PITHD1: variants seen among roughly 807,000 people sequenced by gnomAD.
The protein encoded by PITHD1 is PITH domain-containing protein 1.
A neutral mutation model predicts 27.5 loss-of-function variants in PITHD1; 8 were observed. That is an observed-to-expected ratio of 0.29 (90% CI 0.17 to 0.52). The LOEUF (loss-of-function observed/expected upper bound fraction) is 0.52. Ranked by LOEUF, PITHD1 falls within the 20% of genes least tolerant of loss-of-function variation. The pLI is 0.96. For missense variants in PITHD1, 233 were observed against 283.9 expected, an observed-to-expected ratio of 0.82 and a Z score of 1.29; for synonymous variants, 118 against 106.8, an observed-to-expected ratio of 1.10 and a Z score of -0.64.
chr1:23,783,972 C>G (rs1343724050), intron 3 of PITHD1, among the ~76,000 whole-genome samples: 1 of 152,128 alleles, frequency 6.6e-6, no homozygotes, highest in Admixed American at 6.5e-5. Context: ...AGAATCGATT[C>G]AATTTCATCT....
rs187095114 is a variant in PITHD1, at chr1:23,783,350, T to C, written c.321-2325T>C. Among the ~76,000 whole-genome samples the C allele has an allele frequency of 1.8e-3, 262 of 149,244 alleles. 2 individuals are homozygous for C. Among genetic ancestry groups the C allele is most frequent in the African/African-American group, 5.6e-3 (226 of 40,638 alleles). On this transcript the variant is annotated intron_variant, in intron 3 of 5. Transcript: ENST00000246151. ...ATACACATATATGTGTATATATACA[T>C]ATATACGCATATATATATACACATA... is the stretch of plus-strand genomic sequence containing the variant.
chr1:23,787,475 C>T lies in PITHD1; in HGVS notation c.*99C>T. Reference sequence around the variant, plus strand: ...ATGAGGCTCCAGAGAGAGTTGGCTGCCACAGCCTCTGCCAAGCTTTGTCTT... The same window carrying T: ...ATGAGGCTCCAGAGAGAGTTGGCTGTCACAGCCTCTGCCAAGCTTTGTCTT... On this transcript the variant is annotated 3_prime_UTR_variant, in exon 6 of 6. Coordinates refer to ENST00000246151, the MANE Select transcript of PITHD1 (RefSeq NM_020362.5). 1.4e-6 allele frequency: 1 copy of T among 700,124 alleles called. No individual in the cohort carries two copies. The highest frequency in any genetic ancestry group is 2.5e-6 in the Non-Finnish European group (1 of 396,958). 43.4% of individuals were successfully genotyped at this position (700,124 alleles called of 1,614,324 possible).
In PITHD1 at chr1:23,785,731, C is replaced by T. The variant is rs943368160; in HGVS notation, c.377C>T (p.Thr126Ile). The change falls in exon 4 of 6, where the codon ACC becomes ATC. Residue 126 changes from threonine (T) to isoleucine (I), a missense_variant. Transcript: ENST00000246151. ...FDDTEREPDQ[T>I]FSLNRDLTGE... ...GATACAGAAAGGGAGCCAGATCAGA[C>T]CTTTAGTCTGAACCGGGATCTTACA... 3.1e-6 allele frequency: 5 copies of T among 1,610,606 alleles called. No homozygotes were observed. The East Asian group carries it at 1.1e-4, about 36-fold the overall frequency.
At chr1:23,785,475 A>G (rs1330243939) in intron 3 of PITHD1, among the ~76,000 whole-genome samples, 200 bp from the exon 4 acceptor site, 1 of 150,468 alleles carries the variant, frequency 6.6e-6, no homozygotes, top group Non-Finnish European at 1.5e-5. Context: ...CCTGGGTGAC[A>G]CAGTGAGACT....
chr1:23,779,345 C>A, intron 1 of PITHD1, 93 bp from the exon 2 acceptor site: 1 of 931,810 alleles, frequency 1.1e-6, no homozygotes, highest in Admixed American at 1.9e-5. Flanking sequence ...TCCCATTGCA[C>A]CCCAGTTGTA....
At chr1:23,781,077 A>G (rs1189571875) in intron 3 of PITHD1, among the ~76,000 whole-genome samples, 1 of 152,016 alleles carries the variant, frequency 6.6e-6, no homozygotes. Context: ...AATCCCAGCT[A>G]CTTGGGAGGC....
Position 23,778,578 on chromosome 1 carries a change from G to A in PITHD1, c.63G>A (p.Pro21=). 1 of 1,342,900 alleles carries A rather than the reference G, an allele frequency of 7.4e-7. No homozygotes were observed. The highest frequency in any genetic ancestry group is 1.9e-5 in the South Asian group (1 of 53,132). The allele number at this position is 1,342,900 out of a possible 1,614,324, so 83.2% of individuals were successfully genotyped here. Residue 21 remains proline, a synonymous_variant, in exon 1 of 6, where the codon CCG becomes CCA. Transcript: ENST00000246151. ...GCRCAAEREE[P]PEQRGLAYGL... is the part of the protein sequence containing the mutation. ...GCTGCGCCGCCGAACGGGAGGAGCC[G>A]CCCGAGCAGCGCGGCCTGGCCTACG...
At chr1:23,778,847 G>A (rs990107369) in intron 1 of PITHD1, 134 bp downstream of exon 1, 11 of 482,908 alleles carry the variant, frequency 2.3e-5, no homozygotes, top group African/African-American at 1.8e-4. Context: ...TCTCCTGCCA[G>A]CTCTTTGGGA....
intron 3 of PITHD1, among the ~76,000 whole-genome samples, chr1:23,784,741 CAG>C (rs1017888219): frequency 1.3e-4 from 19 of 151,894 alleles, no homozygotes; most frequent in Non-Finnish European, 2.6e-4. Flanking sequence ...TATTCTGAGA[CAG>C]AGTCTCTCTG....
intron 3 of PITHD1, among the ~76,000 whole-genome samples, chr1:23,784,797 C>A (rs1638660218): frequency 6.6e-6 from 1 of 152,048 alleles, no homozygotes; most frequent in Non-Finnish European, 1.5e-5. Flanking sequence ...GCTCATTGCA[C>A]CCTCTCTAGC....
At chr1:23,785,565 C>T (rs746182119) in intron 3 of PITHD1, 110 bp from the exon 4 acceptor site, 8 of 531,418 alleles carry the variant, frequency 1.5e-5, no homozygotes, top group Non-Finnish European at 2.8e-5. Context: ...CCCCCAAATT[C>T]AGTCTCCTAT....
chr1:23,784,234 CTT>C (rs774484769), intron 3 of PITHD1, among the ~76,000 whole-genome samples: 4 of 81,446 alleles, frequency 4.9e-5, no homozygotes, highest in African/African-American at 1.4e-4. Context: ...CATTTGCTTT[CTT>C]TTTTTTTTTT....
intron 3 of PITHD1, among the ~76,000 whole-genome samples, chr1:23,780,341 G>A (rs1364764827): frequency 6.6e-6 from 1 of 152,092 alleles, no homozygotes; most frequent in Non-Finnish European, 1.5e-5. Flanking sequence ...TATGTGTTTT[G>A]TTGACATGGA....
chr1:23,785,880 A>G (rs1248651983), intron 4 of PITHD1, 101 bp downstream of exon 4: 3 of 676,210 alleles, frequency 4.4e-6, no homozygotes, highest in Non-Finnish European at 8.0e-6. Flanking sequence ...AATGAGTTAA[A>G]ACAGTGGAGG....
chr1:23,783,723 G>T (rs952243249), intron 3 of PITHD1, among the ~76,000 whole-genome samples: 4 of 152,090 alleles, frequency 2.6e-5, no homozygotes, highest in African/African-American at 9.7e-5. Flanking sequence ...CCAAAGTGCT[G>T]GGATTACAGG....
intron 3 of PITHD1, among the ~76,000 whole-genome samples, chr1:23,783,860 C>T (rs1040136675): frequency 1.1e-4 from 16 of 152,138 alleles, no homozygotes; most frequent in African/African-American, 2.9e-4. Flanking sequence ...TGTTGATCAT[C>T]GAAGATGAGT....
At chr1:23,780,633 G>T (rs1047255664) in intron 3 of PITHD1, among the ~76,000 whole-genome samples, 15 of 152,144 alleles carry the variant, frequency 9.9e-5, no homozygotes, top group Non-Finnish European at 1.8e-4. Flanking sequence ...TGTAATCCCA[G>T]CACTTTGGGA....
At chr1:23,779,978 T>C (rs1638572103) in intron 3 of PITHD1, 37 bp downstream of exon 3, 1 of 1,262,212 alleles carries the variant, frequency 7.9e-7, no homozygotes, top group Non-Finnish European at 1.2e-6. Flanking sequence ...AAGGAGCTCC[T>C]AATTCTCTTT....
chr1:23,784,234 CT>C (rs774484769), intron 3 of PITHD1, among the ~76,000 whole-genome samples: 989 of 81,448 alleles, frequency 0.012, 6 homozygotes, highest in African/African-American at 0.043. Context: ...CATTTGCTTT[CT>C]TTTTTTTTTT....
Sources: gnomAD v4.1 joint callset for allele counts (sites outside exome capture counted in the v4.1 genomes callset) on GRCh38, gnomAD v4.1.1 for gene constraint, MANE v1.5 for transcripts, NCBI Gene and HGNC (gene_info 2026-07-23, HGNC 2026-07-21) for gene names.